CDC37L1: variants seen among roughly 807,000 people sequenced by gnomAD.
CDC37L1 encodes the protein cell division cycle 37 like 1, HSP90 cochaperone, also known as hsp90 co-chaperone Cdc37-like 1.
CDC37L1 carries 32 observed loss-of-function variants against 45.9 expected under a neutral mutation model. That is an observed-to-expected ratio of 0.70 (90% CI 0.53 to 0.94). The LOEUF is 0.94. CDC37L1 is among the 40% of genes least tolerant of loss of function. CDC37L1 has a pLI of 0.00. For synonymous variants in CDC37L1, 150 were observed against 133.0 expected (o/e 1.13, Z -0.88); for missense variants, 434 against 405.7 (o/e 1.07, Z -0.60).
intron 6 of CDC37L1, chr9:4,703,073 C>G: frequency 6.5e-7 from 1 of 1,541,802 alleles, no homozygotes; most frequent in East Asian, 2.5e-5. Context: ...GCCCAGTCAT[C>G]TCTCATTTCC....
intron 1 of CDC37L1, 23 bp downstream of exon 1, chr9:4,679,922 C>T: frequency 6.2e-7 from 1 of 1,612,752 alleles, no homozygotes. Context: ...CTGCGTTCTG[C>T]GGAGGGATGG....
chr9:4,705,468 TA>T (rs1587625760), intron 6 of CDC37L1, among the ~76,000 whole-genome samples: 1 of 152,304 alleles, frequency 6.6e-6, no homozygotes, highest in East Asian at 1.9e-4. Context: ...ATTCTCAGTT[TA>T]AAAAATAAGG....
At chr9:4,683,108 T>A (rs973047580) in intron 1 of CDC37L1, among the ~76,000 whole-genome samples, 1 of 144,046 alleles carries the variant, frequency 6.9e-6, no homozygotes, top group African/African-American at 2.5e-5. Flanking sequence ...TTTTTATATA[T>A]AAAATATATT....
intron 6 of CDC37L1, chr9:4,703,293 G>T: frequency 2.8e-6 from 1 of 360,000 alleles, no homozygotes; most frequent in Non-Finnish European, 4.7e-6. Context: ...TAAGGAAAGT[G>T]ATTGATCATA....
chr9:4,682,398 C>T (rs1406651005), intron 1 of CDC37L1, among the ~76,000 whole-genome samples: 1 of 147,158 alleles, frequency 6.8e-6, no homozygotes, highest in Admixed American at 6.9e-5. Flanking sequence ...GCAATCTCGG[C>T]TCACTGCAAC....
At chr9:4,689,881 C>T (rs990739960) in intron 3 of CDC37L1, among the ~76,000 whole-genome samples, 1 of 152,212 alleles carries the variant, frequency 6.6e-6, no homozygotes, top group Non-Finnish European at 1.5e-5. Context: ...TCTTTCAGAG[C>T]ATGTACTGCA....
At chr9:4,695,330 C>T (rs113018536) in intron 3 of CDC37L1, among the ~76,000 whole-genome samples, 5,235 of 152,148 alleles carry the variant, frequency 0.034, 136 homozygotes, top group Non-Finnish European at 0.05. Flanking sequence ...GATTACACCA[C>T]GCCTAGCAAT....
chr9:4,685,279 T>C, intron 2 of CDC37L1, 121 bp downstream of exon 2: 1 of 799,506 alleles, frequency 1.3e-6, no homozygotes, highest in Non-Finnish European at 2.0e-6. Context: ...TTTGACAGTT[T>C]ATGAAAGGTG....
intron 6 of CDC37L1, 84 bp downstream of exon 6, chr9:4,702,112 TAATATGTGCTACTA>T: frequency 5.2e-6 from 3 of 575,902 alleles, no homozygotes; most frequent in Non-Finnish European, 8.5e-6. Flanking sequence ...TTTTTTTTTT[TAATATGTGCTACTA>T]TTTTAAATAT....
intron 2 of CDC37L1, among the ~76,000 whole-genome samples, chr9:4,688,099 GCAAGATTCTCCTGCCT>G (rs1164098737): frequency 6.6e-6 from 1 of 152,128 alleles, no homozygotes; most frequent in Non-Finnish European, 1.5e-5. Flanking sequence ...CTGGGTTCAC[GCAAGATTCTCCTGCCT>G]CAGCCTCCCG....
chr9:4,687,343 T>TA (rs1241184861), intron 2 of CDC37L1, among the ~76,000 whole-genome samples: 1 of 152,148 alleles, frequency 6.6e-6, no homozygotes, highest in Non-Finnish European at 1.5e-5. Context: ...TACTTGACTT[T>TA]AAAAATCAAA....
chr9:4,690,831 G>A (rs952818922), intron 3 of CDC37L1, among the ~76,000 whole-genome samples: 3 of 152,206 alleles, frequency 2.0e-5, no homozygotes, highest in African/African-American at 4.8e-5. Flanking sequence ...CCCCAGGAAT[G>A]TTACAAAGGT....
At chr9:4,691,049 G>A (rs1457538872) in intron 3 of CDC37L1, among the ~76,000 whole-genome samples, 1 of 152,228 alleles carries the variant, frequency 6.6e-6, no homozygotes, top group Non-Finnish European at 1.5e-5. Flanking sequence ...ACAAGACAGT[G>A]AAAATTTGTG....
intron 3 of CDC37L1, among the ~76,000 whole-genome samples, chr9:4,694,604 G>A (rs1313106085): frequency 2.0e-5 from 3 of 152,150 alleles, no homozygotes; most frequent in African/African-American, 7.2e-5. Context: ...AGGGAGTGGT[G>A]GCTCACACCT....
intron 6 of CDC37L1, among the ~76,000 whole-genome samples, chr9:4,702,917 T>C (rs1330288845): frequency 7.2e-6 from 1 of 139,202 alleles, no homozygotes; most frequent in Non-Finnish European, 1.5e-5. Context: ...AAAAAAATCA[T>C]GTCATATAGG....
At chr9:4,695,123 T>TA (rs1563770726) in intron 3 of CDC37L1, among the ~76,000 whole-genome samples, 4 of 152,210 alleles carry the variant, frequency 2.6e-5, no homozygotes, top group Admixed American at 1.3e-4. Flanking sequence ...TCATAGGATT[T>TA]ACTTTGTGGG....
At chr9:4,681,757 A>G (rs538896596) in intron 1 of CDC37L1, among the ~76,000 whole-genome samples, 1 of 152,384 alleles carries the variant, frequency 6.6e-6, no homozygotes, top group East Asian at 1.9e-4. Flanking sequence ...ATATTTGGAA[A>G]AAATAAAATG....
intron 1 of CDC37L1, among the ~76,000 whole-genome samples, chr9:4,682,889 T>A (rs1379347905): frequency 6.6e-6 from 1 of 151,028 alleles, no homozygotes; most frequent in African/African-American, 2.4e-5. Context: ...CAGTTATTCT[T>A]GATCCTATTC....
rs1841448862 is a variant in CDC37L1, at chr9:4,706,940, TAATC to T, written c.*829_*832del. On this transcript the variant is annotated 3_prime_UTR_variant, in exon 7 of 7. Coordinates refer to ENST00000381854, the MANE Select transcript of CDC37L1 (RefSeq NM_017913.4). ...GGCTTGTAAGAACAAACAGGAATAA[TAATC>T]TGATTTTTAAATTTGTAGTTATTTT... The T allele has an allele frequency of 6.6e-6, 1 of 152,212 alleles. No individual in the cohort carries two copies. Among genetic ancestry groups the T allele is most frequent in the South Asian group, 2.1e-4 (1 of 4,832 alleles). 9.4% of individuals were successfully genotyped at this position (152,212 alleles called of 1,614,324 possible).
Sources: gnomAD v4.1 joint callset for allele counts (sites outside exome capture counted in the v4.1 genomes callset) on GRCh38, gnomAD v4.1.1 for gene constraint, MANE v1.5 for transcripts, NCBI Gene and HGNC (gene_info 2026-07-23, HGNC 2026-07-21) for gene names.